The following FGFR2 variants were observed in gnomAD, a reference collection of about 807,000 sequenced individuals.
The protein encoded by FGFR2 is BEK fibroblast growth factor receptor.
A neutral mutation model predicts 95.9 loss-of-function variants in FGFR2; 19 were observed. The observed-to-expected ratio is 0.20, with a 90% confidence interval of 0.14 to 0.29. The LOEUF (loss-of-function observed/expected upper bound fraction) is 0.29, where lower values mean the gene tolerates loss of function less well. FGFR2 is among the 10% of genes least tolerant of loss of function. The pLI is 1.00. For missense variants in FGFR2, 707 were observed against 1,056.9 expected (o/e 0.67, Z 4.59); for synonymous variants, 392 against 393.3 (o/e 1.00, Z 0.04).
chr10:121,597,133 G>A (rs1003706092), intron 1 of FGFR2, among the ~76,000 whole-genome samples: 1 of 152,320 alleles, frequency 6.6e-6, no homozygotes, highest in South Asian at 2.1e-4. Flanking sequence ...TGCGAGGAGA[G>A]CGACGGAGGC....
intron 4 of FGFR2, 100 bp from the exon 5 acceptor site, chr10:121,551,559 C>T (rs1238741971): frequency 9.2e-7 from 1 of 1,086,194 alleles, no homozygotes; most frequent in Admixed American, 2.1e-5. Context: ...CATGTAAATG[C>T]TAGGCTATTT....
chr10:121,479,616 A>AG lies in FGFR2; in HGVS notation c.*240dup. 1 of 1,551,740 alleles carries AG rather than the reference A, an allele frequency of 6.4e-7. No individual in the cohort carries two copies. ...ACAGCCAGTACGCACGGCAGGTGAG[A>AG]GGGGTTACATGGTGGCTTGTGGCAG... is the stretch of plus-strand genomic sequence containing the variant. On this transcript the variant is annotated 3_prime_UTR_variant, in exon 18 of 18. Coordinates refer to ENST00000358487, the MANE Select transcript of FGFR2 (RefSeq NM_000141.5).
At chr10:121,507,426 A>G (rs1300450597) in intron 9 of FGFR2, among the ~76,000 whole-genome samples, 1 of 152,144 alleles carries the variant, frequency 6.6e-6, no homozygotes, top group East Asian at 1.9e-4. Flanking sequence ...TGTCTCTACT[A>G]AAGATAGAAA....
At chr10:121,507,914 T>C (rs1467418064) in intron 9 of FGFR2, among the ~76,000 whole-genome samples, 1 of 152,068 alleles carries the variant, frequency 6.6e-6, no homozygotes, top group Non-Finnish European at 1.5e-5. Context: ...TCAAAAATAT[T>C]TGAAAGCTAA....
intron 2 of FGFR2, among the ~76,000 whole-genome samples, chr10:121,571,838 G>A (rs1028017332): frequency 6.6e-6 from 1 of 151,926 alleles, no homozygotes; most frequent in African/African-American, 2.4e-5. Context: ...AGCTACTCGG[G>A]AGGCTGAGGC....
chr10:121,578,040 G>A (rs1020862799), intron 2 of FGFR2, among the ~76,000 whole-genome samples: 1 of 152,022 alleles, frequency 6.6e-6, no homozygotes, highest in Non-Finnish European at 1.5e-5. Flanking sequence ...CTGAAAGAAA[G>A]TACAGGCAAA....
chr10:121,546,410 T>C (rs139248735), intron 5 of FGFR2, among the ~76,000 whole-genome samples: 47 of 152,298 alleles, frequency 3.1e-4, no homozygotes, highest in African/African-American at 9.9e-4. Flanking sequence ...ATTAGGGAGA[T>C]AGAGTTATGA....
intron 16 of FGFR2, among the ~76,000 whole-genome samples, chr10:121,484,680 C>T (rs866677814): frequency 8.5e-5 from 13 of 152,180 alleles, no homozygotes. Context: ...ACCAGGCACA[C>T]GTCACAAACA....
chr10:121,530,442 G>C (rs1247673059), intron 6 of FGFR2: 1 of 152,412 alleles, frequency 6.6e-6, no homozygotes, highest in Non-Finnish European at 1.5e-5. Flanking sequence ...GGGCAACATA[G>C]TGAAACTCCA....
intron 9 of FGFR2, among the ~76,000 whole-genome samples, chr10:121,505,562 T>A (rs1848159104): frequency 6.6e-6 from 1 of 152,152 alleles, no homozygotes; most frequent in Non-Finnish European, 1.5e-5. Flanking sequence ...CACAAGCAAA[T>A]GGCAGAAGCA....
rs561552264 is a variant in FGFR2 at position 121,588,938 on chromosome 10, CA to C, written c.109+4770del. ...CAAAAAACAAAAACAAACAAAAAAC[CA>C]AAGGCTAAAATCATCTCTCAAGGAA... On this transcript the variant is annotated intron_variant, in intron 2 of 17. Transcript: ENST00000358487. 1.6e-3 allele frequency among the ~76,000 whole-genome samples: 242 copies of C among 151,970 alleles called. 2 individuals are homozygous for C. Among genetic ancestry groups the C allele is most frequent in the African/African-American group, 5.3e-3 (219 of 41,444 alleles).
At chr10:121,570,478 G>A (rs754079811) in intron 2 of FGFR2, among the ~76,000 whole-genome samples, 45 of 152,360 alleles carry the variant, frequency 3.0e-4, no homozygotes, top group Middle Eastern at 6.8e-3. Context: ...CTCTGTGAAA[G>A]AGCAAAGAAT....
intron 5 of FGFR2, among the ~76,000 whole-genome samples, chr10:121,539,888 G>T (rs1261098722): frequency 6.6e-6 from 1 of 152,210 alleles, no homozygotes; most frequent in Non-Finnish European, 1.5e-5. Context: ...AAACAGGAGG[G>T]CAGAGCAGCT....
At position 121,565,855 on chromosome 10, in the gene FGFR2, G is replaced by C. The variant is rs1305926748; in HGVS notation, c.110-151C>G. On this transcript the variant is annotated intron_variant, in intron 2 of 17. Coordinates refer to ENST00000358487, the MANE Select transcript of FGFR2 (RefSeq NM_000141.5). ...CCAGCAGGCATCCACCTCTCCCCAA[G>C]CCCCAGGAAGTCAGGAAGTATCTGG... is the stretch of plus-strand genomic sequence containing the variant. The C allele has an allele frequency of 4.6e-6, 4 of 862,616 alleles. No individual in the cohort carries two copies. The East Asian group carries it at 7.9e-5, about 17-fold the overall frequency. The allele number at this position is 862,616 out of a possible 1,614,324, so 53.4% of individuals were successfully genotyped here. A position where few individuals can be genotyped will look rare whatever the true frequency, so the allele number is the denominator to read the frequency against.
intron 2 of FGFR2, among the ~76,000 whole-genome samples, chr10:121,581,430 G>A (rs930057347): frequency 7.2e-5 from 11 of 152,136 alleles, no homozygotes; most frequent in South Asian, 2.1e-4. Flanking sequence ...ATCCAGGTGG[G>A]TGCCACCTCC....
chr10:121,556,492 T>C (rs1309094775), intron 4 of FGFR2, among the ~76,000 whole-genome samples: 1 of 150,816 alleles, frequency 6.6e-6, no homozygotes, highest in Admixed American at 6.6e-5. Context: ...TGGAATCATA[T>C]TACCAGGCTG....
rs759215543 is a variant in FGFR2, at chr10:121,515,294, T to C, written c.1110A>G (p.Thr370=). 6.2e-7 allele frequency: 1 copy of C among 1,614,104 alleles called. No individual in the cohort carries two copies. The highest frequency in any genetic ancestry group is 8.5e-7 in the Non-Finnish European group (1 of 1,180,014). Residue 370 remains threonine, a synonymous_variant, in exon 9 of 18, where the codon ACA becomes ACG. Coordinates refer to ENST00000358487, the MANE Select transcript of FGFR2 (RefSeq NM_000141.5). ...CTATCTCCAGGTAGTCTGGGGAAGCTGTAATCTCCTTTTCTCTTCCAGGCG... is the reference window on the plus strand; with the variant it reads ...CTATCTCCAGGTAGTCTGGGGAAGCCGTAATCTCCTTTTCTCTTCCAGGCG... The part of the protein sequence containing the change: ...LPAPGREKEI[T]ASPDYLEIAI...
chr10:121,598,047 C>G lies in FGFR2; in HGVS notation c.-236G>C, dbSNP rs1047111. The G allele has an allele frequency of 0.079, 31,245 of 397,856 alleles. 2,322 individuals carry two copies. The highest frequency in any genetic ancestry group is 0.23 in the East Asian group (6,414 of 27,990). 24.6% of individuals were successfully genotyped at this position (397,856 alleles called of 1,614,324 possible). Reference sequence around the variant, plus strand: ...GGAGAAAGCGACGAGCCCGGGGTTGCGGGGAGCAACTCCAAACGCAGAAGA... The same window carrying G: ...GGAGAAAGCGACGAGCCCGGGGTTGGGGGGAGCAACTCCAAACGCAGAAGA... On this transcript the variant is annotated 5_prime_UTR_variant, in exon 1 of 18. Transcript: ENST00000358487.
At chr10:121,591,011 A>ACTCT (rs76266908) in intron 2 of FGFR2, among the ~76,000 whole-genome samples, 12 of 144,436 alleles carry the variant, frequency 8.3e-5, no homozygotes, top group African/African-American at 1.5e-4. Flanking sequence ...ACACACGCAC[A>ACTCT]CTCTCTCTCT....
Sources: gnomAD v4.1 joint callset for allele counts (sites outside exome capture counted in the v4.1 genomes callset) on GRCh38, gnomAD v4.1.1 for gene constraint, MANE v1.5 for transcripts, NCBI Gene and HGNC (gene_info 2026-07-23, HGNC 2026-07-21) for gene names.